Variants in PADI1 observed in about 807,000 individuals in gnomAD.
The protein encoded by PADI1 is protein-arginine deiminase type-1.
A neutral mutation model predicts 74.8 loss-of-function variants in PADI1; 65 were observed. The observed-to-expected ratio is 0.87, with a 90% CI of 0.71 to 1.07. The LOEUF (loss-of-function observed/expected upper bound fraction) is 1.07. Among genes scored for constraint, PADI1 ranks in the 50% least tolerant of loss-of-function variants. The probability of loss-of-function intolerance (pLI) is 0.00; values close to 1 mark genes in which losing one functional copy is unlikely to be tolerated. For missense variants in PADI1, 943 were observed against 854.0 expected, an observed-to-expected ratio of 1.10 and a Z score of -1.30; for synonymous variants, 371 against 336.2, an observed-to-expected ratio of 1.10 and a Z score of -1.13.
chr1:17,221,312 A>C (rs528769722), intron 1 of PADI1, among the ~76,000 whole-genome samples: 28 of 152,206 alleles, frequency 1.8e-4, no homozygotes, highest in African/African-American at 6.0e-4. Context: ...AACAGATAAA[A>C]TTCCTGCCCT....
chr1:17,226,065 T>A lies in PADI1; in HGVS notation c.559T>A (p.Cys187Ser), dbSNP rs550703961. The A allele has an allele frequency of 1.2e-6, 2 of 1,614,146 alleles. No individual in the cohort carries two copies. Among genetic ancestry groups the A allele is most frequent in the South Asian group, 2.2e-5 (2 of 91,078 alleles). The change falls in exon 6 of 16, where the codon TGC (cysteine) becomes AGC (serine). Residue 187 changes from cysteine to serine, a missense_variant. By Grantham distance (112) the Cys-to-Ser change is moderately radical (BLOSUM62 -1). Coordinates refer to ENST00000375471, the MANE Select transcript of PADI1 (RefSeq NM_013358.3). Reference protein sequence around the residue: ...LQDMSPMLLSCNGPDKLFDSH... With the variant: ...LQDMSPMLLSSNGPDKLFDSH... ...GGACATGTCCCCAATGCTGCTGAGC[T>A]GCAATGGCCCCGACAAGCTCTTCGA...
intron 14 of PADI1, chr1:17,240,174 G>C (rs1557484779): frequency 3.9e-6 from 1 of 258,564 alleles, no homozygotes; most frequent in Non-Finnish European, 7.6e-6. Context: ...GTGAAGCAAG[G>C]TGTCAGGAAG....
intron 10 of PADI1, among the ~76,000 whole-genome samples, 183 bp downstream of exon 10, chr1:17,230,862 G>T (rs1230714014): frequency 1.3e-5 from 2 of 152,202 alleles, no homozygotes; most frequent in African/African-American, 4.8e-5. Context: ...GAGAGGAAAT[G>T]ATATGCAAAT....
At chr1:17,233,628 T>C (rs35823191) in intron 11 of PADI1, among the ~76,000 whole-genome samples, 56,505 of 152,064 alleles carry the variant, frequency 0.37, 10,828 homozygotes, top group African/African-American at 0.45. Context: ...CGTGTGCAGT[T>C]CAGGGTCCTG....
chr1:17,208,935 C>A (rs1001376370), intron 1 of PADI1, among the ~76,000 whole-genome samples: 1 of 152,196 alleles, frequency 6.6e-6, no homozygotes, highest in African/African-American at 2.4e-5. Context: ...CATTCTCCTG[C>A]ACTTTCCCCC....
At chr1:17,207,528 C>T (rs1428827376) in intron 1 of PADI1, among the ~76,000 whole-genome samples, 3 of 152,260 alleles carry the variant, frequency 2.0e-5, no homozygotes, top group African/African-American at 7.2e-5. Flanking sequence ...GTGCGCACAG[C>T]TCTGGTAGCT....
At chr1:17,219,053 G>C (rs3003479) in intron 1 of PADI1, among the ~76,000 whole-genome samples, 1 of 152,026 alleles carries the variant, frequency 6.6e-6, no homozygotes, top group Non-Finnish European at 1.5e-5. Flanking sequence ...GTAGGAGCAC[G>C]AGCATGTCAC....
chr1:17,206,166 G>T (rs985385615), intron 1 of PADI1, among the ~76,000 whole-genome samples: 1 of 152,178 alleles, frequency 6.6e-6, no homozygotes, highest in Non-Finnish European at 1.5e-5. Context: ...GCAGATAGGG[G>T]GCTCGTGGTG....
At chr1:17,227,996 T>C (rs1475334610) in intron 6 of PADI1, among the ~76,000 whole-genome samples, 1 of 152,198 alleles carries the variant, frequency 6.6e-6, no homozygotes, top group Non-Finnish European at 1.5e-5. Flanking sequence ...TTCATTACTT[T>C]TCTTATGTTT....
At chr1:17,228,873 A>G in intron 7 of PADI1, 75 bp from the exon 8 acceptor site, 2 of 1,525,458 alleles carry the variant, frequency 1.3e-6, no homozygotes, top group Non-Finnish European at 1.8e-6. Context: ...AGGGCTGGGC[A>G]GGCTGGGGGC....
intron 1 of PADI1, among the ~76,000 whole-genome samples, chr1:17,205,744 C>T (rs1390005838): frequency 6.6e-6 from 1 of 152,106 alleles, no homozygotes; most frequent in Non-Finnish European, 1.5e-5. Flanking sequence ...GTAGCTTGAC[C>T]CTTGGAGGTC....
chr1:17,226,474 CT>C (rs1446530442), intron 6 of PADI1, among the ~76,000 whole-genome samples: 1 of 152,212 alleles, frequency 6.6e-6, no homozygotes, highest in Admixed American at 6.5e-5. Context: ...CACCCGTTCC[CT>C]CCTCTGGTCA....
At chr1:17,243,602 A>T (rs929756260) in intron 15 of PADI1, among the ~76,000 whole-genome samples, 2 of 152,222 alleles carry the variant, frequency 1.3e-5, no homozygotes, top group African/African-American at 4.8e-5. Context: ...CACACTTTGG[A>T]AGACATCCAC....
intron 8 of PADI1, 108 bp from the exon 9 acceptor site, chr1:17,229,977 C>T: frequency 2.9e-6 from 3 of 1,023,350 alleles, no homozygotes; most frequent in Non-Finnish European, 4.3e-6. Context: ...TGAACTGGAA[C>T]CCCTGTACCC....
Position 17,225,844 on chromosome 1 carries a change from G to A in PADI1, c.442G>A (p.Ala148Thr), listed in dbSNP as rs776223277. The change falls in exon 5 of 16, where the codon GCT (alanine) becomes ACT (threonine). Residue 148 changes from alanine (A) to threonine (T), a missense_variant. Transcript: ENST00000375471. The stretch of plus-strand genomic sequence containing the variant: ...GCGCTGGGGCCCTGAGGGCTATGGG[G>A]CTATCTTGCTGGTGAACTGTGACCG... Reference protein sequence around the residue: ...TWRWGPEGYGAILLVNCDRDN... With the variant: ...TWRWGPEGYGTILLVNCDRDN... The A allele has an allele frequency of 7.4e-6, 12 of 1,614,166 alleles. No individual in the cohort carries two copies. The highest frequency in any genetic ancestry group is 4.5e-5 in the East Asian group (2 of 44,870).
rs1221699586 is a variant in PADI1, at chr1:17,237,304, T to C, written c.1314-10T>C. The C allele has an allele frequency of 1.2e-6, 2 of 1,603,166 alleles. No individual in the cohort carries two copies. The highest frequency in any genetic ancestry group is 2.7e-5 in the African/African-American group (2 of 74,454). On this transcript the variant is annotated splice_polypyrimidine_tract_variant and intron_variant, in intron 11 of 15. Coordinates refer to ENST00000375471, the MANE Select transcript of PADI1 (RefSeq NM_013358.3). ...ACAAGGTGACTGCCCGCCCTCTCCC[T>C]CCTGGCCAGGTCCGGTGGGCGGCAG...
intron 15 of PADI1, among the ~76,000 whole-genome samples, chr1:17,242,447 G>A (rs1363408300): frequency 6.6e-6 from 1 of 152,224 alleles, no homozygotes; most frequent in Admixed American, 6.5e-5. Context: ...GTGGCCAGTG[G>A]CTACTGTGGT....
In PADI1 at chr1:17,205,329, C is replaced by A; in HGVS notation, c.92+20C>A. 1 of 1,595,564 alleles carries A rather than the reference C, an allele frequency of 6.3e-7. No individual in the cohort carries two copies. The highest frequency in any genetic ancestry group is 1.1e-5 in the South Asian group (1 of 90,586). On this transcript the variant is annotated intron_variant, in intron 1 of 15. Transcript: ENST00000375471. The stretch of plus-strand genomic sequence containing the variant: ...TCACAGGTAAGAGCTGGGAGGCGCT[C>A]TCCTGGCTGCAGAGAGCTGGGTTAG...
At chr1:17,223,592 C>T (rs775715339) in intron 2 of PADI1, 29 bp from the exon 3 acceptor site, 51 of 1,581,478 alleles carry the variant, frequency 3.2e-5, no homozygotes, top group Non-Finnish European at 4.3e-5. Flanking sequence ...AAGGTGATGG[C>T]CGTGCAGGCT....
Sources: gnomAD v4.1 joint callset for allele counts (sites outside exome capture counted in the v4.1 genomes callset) on GRCh38, gnomAD v4.1.1 for gene constraint, MANE v1.5 for transcripts, NCBI Gene and HGNC (gene_info 2026-07-23, HGNC 2026-07-21) for gene names.